EXD1: variants seen among roughly 807,000 people sequenced by gnomAD.
EXD1 encodes the protein exonuclease 3'-5' domain containing 1.
EXD1 carries 63 observed loss-of-function variants against 49.1 expected under a neutral mutation model. That is an observed-to-expected ratio of 1.28 (90% confidence interval 1.05 to 1.58). The LOEUF (loss-of-function observed/expected upper bound fraction) is 1.58, where lower values mean the gene tolerates loss of function less well. Ranked by LOEUF, EXD1 falls within the 40% of genes most tolerant of loss-of-function variation. EXD1 has a pLI of 0.00. For synonymous variants in EXD1, 234 were observed against 239.2 expected (o/e 0.98, Z 0.20); for missense variants, 748 against 666.0 (o/e 1.12, Z -1.36).
chr15:41,189,005 T>C (rs1249486832), intron 11 of EXD1, among the ~76,000 whole-genome samples: 2 of 151,900 alleles, frequency 1.3e-5, no homozygotes, highest in African/African-American at 4.8e-5. Context: ...GGTTTCATCA[T>C]GTTGGCCAGG....
intron 6 of EXD1, among the ~76,000 whole-genome samples, chr15:41,214,832 G>A (rs1211020917): frequency 6.6e-6 from 1 of 151,538 alleles, no homozygotes; most frequent in Non-Finnish European, 1.5e-5. Flanking sequence ...TGCAAGCTCC[G>A]CCTCCCGAGT....
chr15:41,217,640 C>T (rs1034825720), intron 3 of EXD1, among the ~76,000 whole-genome samples: 7 of 150,378 alleles, frequency 4.7e-5, no homozygotes, highest in African/African-American at 1.5e-4. Context: ...AGGTGATACT[C>T]CTGCCTCAGC....
intron 3 of EXD1, chr15:41,219,339 T>C (rs1267401787): frequency 2.0e-5 from 3 of 152,412 alleles, no homozygotes; most frequent in Non-Finnish European, 4.4e-5. Flanking sequence ...TATAGTCCGA[T>C]TTTATTCCAC....
intron 7 of EXD1, among the ~76,000 whole-genome samples, chr15:41,205,321 G>T (rs2046804766): frequency 6.6e-6 from 1 of 152,186 alleles, no homozygotes; most frequent in Non-Finnish European, 1.5e-5. Flanking sequence ...TGCAGCATAG[G>T]TTGGCAGAAT....
At position 41,194,709 on chromosome 15, in the gene EXD1, A is replaced by G. The variant is rs76059174; in HGVS notation, c.720+1066T>C. 5.5e-3 allele frequency among the ~76,000 whole-genome samples: 840 copies of G among 152,314 alleles called. 6 individuals carry two copies. Among genetic ancestry groups the G allele is most frequent in the Middle Eastern group, 0.017 (5 of 294 alleles). On this transcript the variant is annotated intron_variant, in intron 9 of 11. Coordinates refer to ENST00000458580, the MANE Select transcript of EXD1 (RefSeq NM_001286441.2). Reference sequence around the variant, plus strand: ...TCTGCTTCTTGGACTATGTAACTCTAAAAAGAAAAACATGAACAGATATGC... The same window carrying G: ...TCTGCTTCTTGGACTATGTAACTCTGAAAAGAAAAACATGAACAGATATGC...
At chr15:41,198,856 C>A (rs1239585451) in intron 7 of EXD1, among the ~76,000 whole-genome samples, 1 of 151,614 alleles carries the variant, frequency 6.6e-6, no homozygotes, top group East Asian at 1.9e-4. Context: ...CAGGTGCCTG[C>A]CACCACGCCC....
At chr15:41,220,234 CCACTT>C (rs989689920) in intron 2 of EXD1, among the ~76,000 whole-genome samples, 4 of 151,584 alleles carry the variant, frequency 2.6e-5, no homozygotes, top group African/African-American at 9.7e-5. Context: ...TATTTTTACT[CCACTT>C]AACTCCAGAA....
At chr15:41,203,309 TA>T (rs1322883099) in intron 7 of EXD1, among the ~76,000 whole-genome samples, 12 of 152,114 alleles carry the variant, frequency 7.9e-5, no homozygotes, top group Admixed American at 7.2e-4. Context: ...TGGATAAATC[TA>T]ACCAGAGAGG....
chr15:41,225,942 G>C (rs1295887995), intron 2 of EXD1, among the ~76,000 whole-genome samples: 1 of 151,502 alleles, frequency 6.6e-6, no homozygotes, highest in Non-Finnish European at 1.5e-5. Flanking sequence ...GAAAATTCCT[G>C]CTATCATATC....
At chr15:41,199,770 T>TATA (rs2046693024) in intron 7 of EXD1, among the ~76,000 whole-genome samples, 7 of 24,500 alleles carry the variant, frequency 2.9e-4, no homozygotes, top group Non-Finnish European at 4.5e-4. Context: ...ATATATGATA[T>TATA]ATATGTCATA....
chr15:41,227,635 G>A (rs530860188), intron 1 of EXD1, among the ~76,000 whole-genome samples: 11 of 144,936 alleles, frequency 7.6e-5, no homozygotes, highest in African/African-American at 2.8e-4. Flanking sequence ...TAGAGATCGC[G>A]CCACTGTACT....
intron 3 of EXD1, among the ~76,000 whole-genome samples, chr15:41,218,729 C>T (rs1206208703): frequency 6.6e-6 from 1 of 152,134 alleles, no homozygotes; most frequent in Non-Finnish European, 1.5e-5. Context: ...ACTCCAACTA[C>T]CACTACTATC....
chr15:41,204,384 C>G (rs2046789863), intron 7 of EXD1, among the ~76,000 whole-genome samples: 1 of 150,976 alleles, frequency 6.6e-6, no homozygotes, highest in Non-Finnish European at 1.5e-5. Context: ...AACCCTGTCT[C>G]TACTAAAAAT....
At chr15:41,224,786 T>G (rs2047136546) in intron 2 of EXD1, among the ~76,000 whole-genome samples, 1 of 151,770 alleles carries the variant, frequency 6.6e-6, no homozygotes, top group South Asian at 2.1e-4. Flanking sequence ...GAGACCCCAT[T>G]TCTACAAAAA....
At chr15:41,215,574 T>G (rs930797974) in intron 6 of EXD1, among the ~76,000 whole-genome samples, 3 of 151,730 alleles carry the variant, frequency 2.0e-5, no homozygotes, top group African/African-American at 4.8e-5. Flanking sequence ...TAGTCCCAGC[T>G]ACACGGGAGG....
rs371659714 is a variant in EXD1 at position 41,222,591 on chromosome 15, T to C, written c.134-2693A>G. On this transcript the variant is annotated intron_variant, in intron 2 of 11. Transcript: ENST00000458580. ...TCAGAGAGGATCTCACACTCCATTA[T>C]ACCTGTCTACCTATTTGTCTATTTA... is the stretch of plus-strand genomic sequence containing the variant. Among the ~76,000 whole-genome samples the C allele has an allele frequency of 7.9e-5, 12 of 152,212 alleles. No individual in the cohort carries two copies. In the East Asian group the frequency reaches 2.3e-3, roughly 29 times the overall value.
At chr15:41,186,774 CT>C (rs942023846) in intron 11 of EXD1, among the ~76,000 whole-genome samples, 26 of 147,626 alleles carry the variant, frequency 1.8e-4, no homozygotes, top group African/African-American at 3.0e-4. Context: ...CCATATATTT[CT>C]TTTTTTTTTC....
intron 7 of EXD1, among the ~76,000 whole-genome samples, 199 bp downstream of exon 7, chr15:41,209,302 C>A (rs2046884415): frequency 6.6e-6 from 1 of 152,046 alleles, no homozygotes; most frequent in Admixed American, 6.6e-5. Flanking sequence ...GTAGTCCCAG[C>A]TACTCAGGAG....
intron 9 of EXD1, among the ~76,000 whole-genome samples, 184 bp from the exon 10 acceptor site, chr15:41,191,769 G>A (rs2046523256): frequency 6.6e-6 from 1 of 151,682 alleles, no homozygotes; most frequent in Non-Finnish European, 1.5e-5. Context: ...AAAAAAAAAC[G>A]GAATAAAAGC....
Sources: gnomAD v4.1 joint callset for allele counts (sites outside exome capture counted in the v4.1 genomes callset) on GRCh38, gnomAD v4.1.1 for gene constraint, MANE v1.5 for transcripts, NCBI Gene and HGNC (gene_info 2026-07-23, HGNC 2026-07-21) for gene names.